The following CSGALNACT1 variants were observed in gnomAD, a reference collection of about 807,000 sequenced individuals.
CSGALNACT1 encodes the protein chondroitin sulfate N-acetylgalactosaminyltransferase 1, also known as beta4GalNAcT-1.
CSGALNACT1 carries 52 observed loss-of-function variants against 51.0 expected under a neutral mutation model. That is an observed-to-expected ratio of 1.02 (90% confidence interval 0.82 to 1.29). The LOEUF is 1.29. CSGALNACT1 is among the 50% of genes most tolerant of loss of function. The pLI is 0.00. For synonymous variants in CSGALNACT1, 341 were observed against 254.4 expected, an observed-to-expected ratio of 1.34 and a Z score of -3.24; for missense variants, 935 against 679.2, an observed-to-expected ratio of 1.38 and a Z score of -4.19.
chr8:19,445,646 T>C (rs1222450298), intron 5 of CSGALNACT1, among the ~76,000 whole-genome samples: 2 of 152,354 alleles, frequency 1.3e-5, no homozygotes, highest in East Asian at 3.9e-4. Context: ...AAGACATGTC[T>C]GCCCTTGAGT....
chr8:19,534,510 T>G (rs1291447532), intron 3 of CSGALNACT1, among the ~76,000 whole-genome samples: 1 of 151,944 alleles, frequency 6.6e-6, no homozygotes, highest in African/African-American at 2.4e-5. Flanking sequence ...TCCTGGGGAA[T>G]CGGACACCCA....
chr8:19,721,265 C>T (rs963108556), intron 1 of CSGALNACT1, among the ~76,000 whole-genome samples: 2 of 152,152 alleles, frequency 1.3e-5, no homozygotes, highest in Admixed American at 1.3e-4. Flanking sequence ...AACTGATCTC[C>T]AGGCCCATGC....
chr8:19,492,638 C>G (rs1169151834), intron 4 of CSGALNACT1, among the ~76,000 whole-genome samples: 4 of 152,206 alleles, frequency 2.6e-5, no homozygotes, highest in Non-Finnish European at 5.9e-5. Context: ...AGGGCATGTT[C>G]CATTCAACAC....
At chr8:19,513,430 C>CTATATATA (rs1457528458) in intron 3 of CSGALNACT1, among the ~76,000 whole-genome samples, 10 of 78,742 alleles carry the variant, frequency 1.3e-4, no homozygotes, top group African/African-American at 2.2e-4. Flanking sequence ...CTCTCTCTCT[C>CTATATATA]TCTCTCTATA....
intron 1 of CSGALNACT1, among the ~76,000 whole-genome samples, chr8:19,703,262 C>T (rs986272986): frequency 2.0e-5 from 3 of 152,074 alleles, no homozygotes; most frequent in African/African-American, 7.2e-5. Context: ...TTGAGCCACT[C>T]GAAGTTGTTA....
intron 3 of CSGALNACT1, among the ~76,000 whole-genome samples, chr8:19,509,406 G>T (rs751711980): frequency 6.6e-6 from 1 of 151,984 alleles, no homozygotes; most frequent in African/African-American, 2.4e-5. Context: ...GATCATTTAA[G>T]GTCAGGAGTT....
chr8:19,567,432 A>C (rs1312988652), intron 3 of CSGALNACT1, among the ~76,000 whole-genome samples: 3 of 152,254 alleles, frequency 2.0e-5, no homozygotes, highest in Non-Finnish European at 2.9e-5. Context: ...TGTGACAGAC[A>C]AAGTGTATGA....
At chr8:19,609,476 C>G (rs1419990462) in intron 1 of CSGALNACT1, among the ~76,000 whole-genome samples, 1 of 151,416 alleles carries the variant, frequency 6.6e-6, no homozygotes, top group African/African-American at 2.4e-5. Flanking sequence ...CAAGGATAAA[C>G]AGTTAACAAA....
intron 1 of CSGALNACT1, among the ~76,000 whole-genome samples, chr8:19,627,273 A>G (rs1289419800): frequency 1.3e-5 from 2 of 152,164 alleles, no homozygotes; most frequent in East Asian, 3.9e-4. Flanking sequence ...GATTATAGAG[A>G]GTGAAAAAGA....
chr8:19,601,492 G>A (rs184852595), intron 2 of CSGALNACT1, among the ~76,000 whole-genome samples: 2 of 152,306 alleles, frequency 1.3e-5, no homozygotes, highest in East Asian at 3.9e-4. Flanking sequence ...ATTGGTTTAA[G>A]TCACTTGCCA....
At chr8:19,555,294 A>C (rs1169768819) in intron 3 of CSGALNACT1, among the ~76,000 whole-genome samples, 3 of 152,128 alleles carry the variant, frequency 2.0e-5, no homozygotes, top group African/African-American at 7.2e-5. Flanking sequence ...ATAGGAGTTA[A>C]AAGCAGCTCT....
upstream of CSGALNACT1, chr8:19,683,275 C>A (rs1029492226): frequency 2.0e-5 from 3 of 152,268 alleles, no homozygotes; most frequent in African/African-American, 7.2e-5. Context: ...GATTAGGAAG[C>A]CTGCCTATAG....
intron 1 of CSGALNACT1, among the ~76,000 whole-genome samples, chr8:19,616,595 A>T (rs2053051785): frequency 6.6e-6 from 1 of 152,122 alleles, no homozygotes; most frequent in African/African-American, 2.4e-5. Flanking sequence ...ATGGGGGCAG[A>T]TTTGCTATGA....
intron 2 of CSGALNACT1, among the ~76,000 whole-genome samples, chr8:19,601,447 C>G (rs1034615548): frequency 6.6e-6 from 1 of 152,288 alleles, no homozygotes; most frequent in Middle Eastern, 3.4e-3. Context: ...TGTAAGCGAA[C>G]TGTTTCAAAA....
intron 5 of CSGALNACT1, chr8:19,457,434 G>A (rs540664186): frequency 5.6e-5 from 20 of 358,990 alleles, no homozygotes; most frequent in African/African-American, 3.0e-4. Context: ...CCAAAATGGC[G>A]AAACCCGGTC....
At position 19,673,349 on chromosome 8, in the gene CSGALNACT1, C is replaced by A. The variant is rs189427180; in HGVS notation, c.-544+9124G>T. 6.0e-3 allele frequency among the ~76,000 whole-genome samples: 920 copies of A among 152,326 alleles called. 10 individuals carry two copies. The highest frequency in any genetic ancestry group is 0.02 in the African/African-American group (821 of 41,582). ...GAGAAGGTGAAGACTCTAGGAACAA[C>A]GATTGTTTCAACTTGCTCATGCTCA... On this transcript the variant is annotated intron_variant, in intron 1 of 9. Coordinates refer to the CSGALNACT1 transcript ENST00000332246.
Position 19,465,615 on chromosome 8 carries a change from T to C in CSGALNACT1, c.635-6973A>G, listed in dbSNP as rs114636746. On this transcript the variant is annotated intron_variant, in intron 4 of 9. Coordinates refer to ENST00000454498, the Ensembl canonical transcript of CSGALNACT1. The stretch of plus-strand genomic sequence containing the variant: ...CTTCCCCTTTTAAATCTGATCCTTC[T>C]GCTATGGGAAGATTCCCAGGACATT... 2.5e-3 allele frequency among the ~76,000 whole-genome samples: 374 copies of C among 152,344 alleles called. 2 individuals carry two copies. Among genetic ancestry groups the C allele is most frequent in the African/African-American group, 8.6e-3 (358 of 41,574 alleles).
chr8:19,524,922 CAGAG>C (rs1017870374), intron 3 of CSGALNACT1, among the ~76,000 whole-genome samples: 2 of 151,856 alleles, frequency 1.3e-5, no homozygotes, highest in Non-Finnish European at 2.9e-5. Context: ...AAGAGAGACA[CAGAG>C]AGAGAGAGAC....
chr8:19,695,554 T>G (rs1402411918), intron 1 of CSGALNACT1, among the ~76,000 whole-genome samples: 1 of 152,198 alleles, frequency 6.6e-6, no homozygotes, highest in Non-Finnish European at 1.5e-5. Flanking sequence ...ACCTAAGAAA[T>G]GCATATTTTA....
Sources: allele counts gnomAD v4.1 joint callset (sites outside exome capture counted in the v4.1 genomes callset), GRCh38; gene constraint gnomAD v4.1.1; transcripts MANE v1.5; gene names NCBI Gene and HGNC (gene_info 2026-07-23, HGNC 2026-07-21).